The following RSPH1 variants were observed in gnomAD, a reference collection of about 807,000 sequenced individuals.
The protein encoded by RSPH1 is radial spoke head component 1, also known as radial spoke head 1 homolog.
RSPH1 carries 32 observed loss-of-function variants against 44.2 expected under a neutral mutation model. That is an observed-to-expected ratio of 0.72 (90% CI 0.55 to 0.97). The LOEUF (loss-of-function observed/expected upper bound fraction) is 0.97, where lower values mean the gene tolerates loss of function less well. Ranked by LOEUF, RSPH1 falls within the 50% of genes least tolerant of loss-of-function variation. The pLI is 0.00. For synonymous variants in RSPH1, 134 were observed against 147.3 expected, an observed-to-expected ratio of 0.91 and a Z score of 0.65; for missense variants, 391 against 398.7, an observed-to-expected ratio of 0.98 and a Z score of 0.16.
intron 6 of RSPH1, among the ~76,000 whole-genome samples, chr21:42,480,611 G>A (rs2054116271): frequency 8.4e-6 from 1 of 118,762 alleles, no homozygotes. Flanking sequence ...TTGCACTCCA[G>A]CCTGGGCAAC....
chr21:42,488,264 C>A (rs1027182143), intron 3 of RSPH1, among the ~76,000 whole-genome samples: 10 of 152,126 alleles, frequency 6.6e-5, no homozygotes, highest in African/African-American at 2.4e-4. Flanking sequence ...TGTGCAAATA[C>A]CTAGAGGGAT....
At chr21:42,490,622 CT>C (rs1175968000) in intron 3 of RSPH1, among the ~76,000 whole-genome samples, 1 of 152,192 alleles carries the variant, frequency 6.6e-6, no homozygotes, top group Admixed American at 6.5e-5. Context: ...ACCAGAAGAG[CT>C]TTATATGTTA....
chr21:42,480,649 A>G (rs1010091633), intron 6 of RSPH1, among the ~76,000 whole-genome samples: 5 of 151,258 alleles, frequency 3.3e-5, no homozygotes, highest in African/African-American at 1.2e-4. Flanking sequence ...TCAAAAAAAA[A>G]AAAAAAAAAA....
intron 3 of RSPH1, 40 bp from the exon 4 acceptor site, chr21:42,486,501 A>C (rs764108893): frequency 7.2e-7 from 1 of 1,383,260 alleles, no homozygotes; most frequent in African/African-American, 1.4e-5. Context: ...GGTGAGAAGA[A>C]GGGATCGATG....
chr21:42,484,546 G>A (rs2054159827), intron 5 of RSPH1: 1 of 152,186 alleles, frequency 6.6e-6, no homozygotes, highest in Admixed American at 6.5e-5. Context: ...GAAATAGTGT[G>A]GAAGGATTGG....
At chr21:42,484,847 T>C (rs2054162563) in intron 5 of RSPH1, 1 of 152,150 alleles carries the variant, frequency 6.6e-6, no homozygotes, top group Admixed American at 6.5e-5. Context: ...ATGTGCTGTT[T>C]TGATGAAGAC....
intron 3 of RSPH1, among the ~76,000 whole-genome samples, chr21:42,491,024 T>G (rs1002561428): frequency 2.6e-5 from 4 of 152,232 alleles, no homozygotes; most frequent in African/African-American, 9.6e-5. Context: ...TTCCAGGCCT[T>G]GCCCTCTGTA....
In RSPH1 at chr21:42,475,953, G is replaced by A. The variant is rs537068442; in HGVS notation, c.822C>T (p.Leu274=). 1.2e-6 allele frequency: 2 copies of A among 1,612,446 alleles called. No individual in the cohort carries two copies. Among genetic ancestry groups the A allele is most frequent in the East Asian group, 2.2e-5 (1 of 44,682 alleles). Residue 274 remains leucine, a synonymous_variant, in exon 8 of 9, where the codon CTC becomes CTT. Coordinates refer to ENST00000291536, the MANE Select transcript of RSPH1 (RefSeq NM_080860.4). ...GGTCATACTCCCGGCTCTCTTCCCG[G>A]AGGACGTCTGCATCTTCATCTCCAG... The part of the protein sequence containing the change: ...MRPGDEDADV[L]REESREYDQE...
intron 1 of RSPH1, among the ~76,000 whole-genome samples, chr21:42,494,036 TG>T (rs2054262482): frequency 6.6e-6 from 1 of 152,220 alleles, no homozygotes. Flanking sequence ...TGAGCCACCA[TG>T]CCTGCTCAAT....
chr21:42,491,554 A>C lies in RSPH1; in HGVS notation c.274+1204T>G, dbSNP rs564702632. ...ATAAGGATTTGGAAAGAATTAAATT[A>C]AGCCCCAAATTAAATTGTTTAAAGT... On this transcript the variant is annotated intron_variant, in intron 3 of 8. Coordinates refer to ENST00000291536, the MANE Select transcript of RSPH1 (RefSeq NM_080860.4). Among the ~76,000 whole-genome samples, 97 of 152,334 alleles carry C rather than the reference A, an allele frequency of 6.4e-4. No homozygotes were observed. In the South Asian group the frequency reaches 8.9e-3, roughly 14 times the overall value.
At chr21:42,477,917 A>G (rs1211505492) in intron 6 of RSPH1, among the ~76,000 whole-genome samples, 1 of 152,118 alleles carries the variant, frequency 6.6e-6, no homozygotes, top group East Asian at 1.9e-4. Context: ...TCTTTATATA[A>G]ATAATAAAAG....
In RSPH1 at chr21:42,486,427, G is replaced by A. The variant is rs1386166584; in HGVS notation, c.309C>T (p.Gly103=). The change falls in exon 4 of 9, where the codon GGC becomes GGT. Residue 103 remains glycine, a synonymous_variant. Transcript: ENST00000291536. The stretch of plus-strand genomic sequence containing the variant: ...TGTCATTATTGATGTAGTAGTATAC[G>A]CCATGGCCGTGCCGCAGGTCATTTG... ...EWANDLRHGH[G]VYYYINNDTY... The A allele has an allele frequency of 5.6e-6, 9 of 1,613,890 alleles. No homozygotes were observed. Among genetic ancestry groups the A allele is most frequent in the Admixed American group, 1.7e-5 (1 of 59,998 alleles).
chr21:42,492,319 C>T (rs995567014), intron 3 of RSPH1, among the ~76,000 whole-genome samples: 2 of 152,200 alleles, frequency 1.3e-5, no homozygotes, highest in Admixed American at 6.5e-5. Context: ...AGGAAGACTC[C>T]CAGACAGGAA....
intron 6 of RSPH1, among the ~76,000 whole-genome samples, chr21:42,478,984 T>C (rs1400676938): frequency 6.6e-6 from 1 of 152,176 alleles, no homozygotes. Flanking sequence ...AATGGGGAGT[T>C]GTTGCTTAAT....
rs145239011 is a variant in RSPH1, at chr21:42,481,365, T to G, written c.573+1272A>C. The stretch of plus-strand genomic sequence containing the variant: ...ATGCTTCTTGTACAGCCTGCAGAAC[T>G]GTGAACCAAATAAACCTCTCTTCTT... On this transcript the variant is annotated intron_variant, in intron 6 of 8. Coordinates refer to ENST00000291536, the MANE Select transcript of RSPH1 (RefSeq NM_080860.4). 2.7e-4 allele frequency among the ~76,000 whole-genome samples: 41 copies of G among 152,268 alleles called. No individual in the cohort carries two copies. In the East Asian group the frequency reaches 7.9e-3, roughly 29 times the overall value.
chr21:42,476,670 C>A (rs2054054557), intron 7 of RSPH1, among the ~76,000 whole-genome samples: 1 of 152,214 alleles, frequency 6.6e-6, no homozygotes, highest in East Asian at 1.9e-4. Flanking sequence ...GGGGTCACAC[C>A]CACATTCACT....
At chr21:42,489,268 G>T (rs550745911) in intron 3 of RSPH1, among the ~76,000 whole-genome samples, 160 of 149,398 alleles carry the variant, frequency 1.1e-3, no homozygotes, top group Non-Finnish European at 1.4e-3. Context: ...TGGTTGGCTG[G>T]TTGGTTGGTT....
chr21:42,473,927 G>A (rs1290203506), intron 8 of RSPH1, among the ~76,000 whole-genome samples: 2 of 152,190 alleles, frequency 1.3e-5, no homozygotes, highest in Non-Finnish European at 1.5e-5. Context: ...ACTGAGTTAA[G>A]GGGGTGTTCC....
intron 6 of RSPH1, among the ~76,000 whole-genome samples, chr21:42,481,199 T>C (rs2054124378): frequency 1.3e-5 from 2 of 152,002 alleles, no homozygotes; most frequent in Admixed American, 6.6e-5. Context: ...GAACTGGTTG[T>C]TAAAAATATA....
Sources: allele counts gnomAD v4.1 joint callset (sites outside exome capture counted in the v4.1 genomes callset), GRCh38; gene constraint gnomAD v4.1.1; transcripts MANE v1.5; gene names NCBI Gene and HGNC (gene_info 2026-07-23, HGNC 2026-07-21).